STAG2: variants seen among roughly 807,000 people sequenced by gnomAD.
STAG2 encodes the protein STAG2 cohesin complex component.
STAG2 carries 14 observed loss-of-function variants against 108.1 expected under a neutral mutation model. That is an observed-to-expected ratio of 0.13 (90% CI 0.09 to 0.20). The LOEUF is 0.20. Ranked by LOEUF, STAG2 falls within the 10% of genes least tolerant of loss-of-function variation. The pLI is 1.00. For synonymous variants in STAG2, 307 were observed against 302.7 expected, an observed-to-expected ratio of 1.01 and a Z score of -0.15; for missense variants, 440 against 940.9, an observed-to-expected ratio of 0.47 and a Z score of 6.96.
intron 1 of STAG2, among the ~76,000 whole-genome samples, chrX:124,016,618 CAAT>C (rs1338121683): frequency 9.0e-6 from 1 of 111,311 alleles, no homozygotes; most frequent in African/African-American, 3.3e-5. Context: ...TTGGCCAGGT[CAAT>C]AATTTTTTCT....
chrX:124,100,543 G>A (rs768323312), intron 34 of STAG2, 31 bp from the exon 35 acceptor site: 2 of 1,163,105 alleles, frequency 1.7e-6, no homozygotes, highest in Admixed American at 2.2e-5. Flanking sequence ...GACTTTTAAC[G>A]AGATTTTCTC....
intron 33 of STAG2, among the ~76,000 whole-genome samples, chrX:124,095,077 G>A (rs1304529281): frequency 9.0e-6 from 1 of 110,804 alleles, no homozygotes; most frequent in East Asian, 2.8e-4. Context: ...GCAGGCGCCC[G>A]CAACCACGCC....
At chrX:123,970,246 A>G (rs1031725886) in intron 1 of STAG2, among the ~76,000 whole-genome samples, 2 of 109,957 alleles carry the variant, frequency 1.8e-5, no homozygotes, top group Non-Finnish European at 3.8e-5. Context: ...TTGTATTCCA[A>G]GAAAACCAAG....
At chrX:124,067,332 A>C (rs1264393394) in intron 23 of STAG2, among the ~76,000 whole-genome samples, 16 of 84,355 alleles carry the variant, frequency 1.9e-4, no homozygotes, top group Non-Finnish European at 2.1e-4. Context: ...GTAGTGGTAC[A>C]ATCTCGGCTC....
chrX:124,021,833 G>C (rs2056937394), intron 2 of STAG2, among the ~76,000 whole-genome samples: 1 of 110,572 alleles, frequency 9.0e-6, no homozygotes, highest in African/African-American at 3.3e-5. Flanking sequence ...CCTTTTAACT[G>C]TATGTGCATG....
At chrX:124,029,863 A>T (rs1189436999) in intron 4 of STAG2, among the ~76,000 whole-genome samples, 1 of 111,495 alleles carries the variant, frequency 9.0e-6, no homozygotes, top group Non-Finnish European at 1.9e-5. Context: ...GAGTTAGGGA[A>T]TGGCTTGTTT....
chrX:124,090,501 C>T (rs2059232196), intron 30 of STAG2, 74 bp from the exon 31 acceptor site: 5 of 862,494 alleles, frequency 5.8e-6, no homozygotes, highest in Middle Eastern at 2.8e-4. Context: ...TGTTTATTGA[C>T]CTGAACAGGT....
intron 4 of STAG2, among the ~76,000 whole-genome samples, chrX:124,029,688 T>A (rs2057273022): frequency 8.9e-6 from 1 of 112,318 alleles, no homozygotes; most frequent in Non-Finnish European, 1.9e-5. Flanking sequence ...GCCTAACATA[T>A]TTACTATCCA....
intron 1 of STAG2, among the ~76,000 whole-genome samples, chrX:123,972,488 G>C (rs1285797963): frequency 2.8e-5 from 3 of 108,567 alleles, no homozygotes; most frequent in Non-Finnish European, 5.7e-5. Context: ...AGCCAGGATG[G>C]TCTTGATCTC....
chrX:123,988,925 C>G (rs1253204950), intron 1 of STAG2, among the ~76,000 whole-genome samples: 1 of 111,303 alleles, frequency 9.0e-6, no homozygotes, highest in Non-Finnish European at 1.9e-5. Context: ...CTCTGTGTGT[C>G]TCTGTCTATC....
chrX:124,055,122 A>AT (rs1420858916), intron 13 of STAG2, among the ~76,000 whole-genome samples: 8 of 112,115 alleles, frequency 7.1e-5, no homozygotes, highest in South Asian at 3.7e-4. Context: ...GAACAATCTG[A>AT]TATTATATAA....
intron 16 of STAG2, 127 bp from the exon 17 acceptor site, chrX:124,061,644 T>G (rs2058379334): frequency 5.9e-6 from 3 of 512,091 alleles, no homozygotes; most frequent in Non-Finnish European, 9.1e-6. Context: ...GGGATTTTCT[T>G]TAGTACCTTA....
intron 13 of STAG2, among the ~76,000 whole-genome samples, chrX:124,054,784 T>C (rs2058146136): frequency 8.9e-6 from 1 of 111,996 alleles, no homozygotes; most frequent in South Asian, 3.7e-4. Flanking sequence ...TTTTGTTTTT[T>C]AGAGACAGGG....
chrX:124,081,234 C>T lies in STAG2; in HGVS notation c.2776-146C>T. 3 of 379,032 alleles carry T rather than the reference C, an allele frequency of 7.9e-6. No homozygotes were observed. In the South Asian group the frequency reaches 2.2e-4, roughly 28 times the overall value. 31.2% of individuals were successfully genotyped at this position (379,032 alleles called of 1,213,427 possible). ...ATATACGAAGTACTGCACTTTTGGTCATTTGCATCATGTTTTAGTGTTTTG... is the reference window on the plus strand; with the variant it reads ...ATATACGAAGTACTGCACTTTTGGTTATTTGCATCATGTTTTAGTGTTTTG... On this transcript the variant is annotated intron_variant, in intron 27 of 34. Coordinates refer to ENST00000371145, the MANE Select transcript of STAG2 (RefSeq NM_001042750.2).
intron 23 of STAG2, among the ~76,000 whole-genome samples, chrX:124,067,988 A>T (rs1384774995): frequency 2.7e-5 from 3 of 110,344 alleles, no homozygotes; most frequent in Non-Finnish European, 5.7e-5. Flanking sequence ...GTGAGCTGAG[A>T]TCATGTCACT....
At position 124,061,359 on chromosome X, in the gene STAG2, T is replaced by C. The variant is rs375072936; in HGVS notation, c.1534+18T>C. 2.7e-6 allele frequency: 3 copies of C among 1,113,714 alleles called. No individual in the cohort carries two copies. The highest frequency in any genetic ancestry group is 1.9e-5 in the South Asian group (1 of 53,100). The allele number at this position is 1,113,714 out of a possible 1,213,427, so 91.8% of individuals were successfully genotyped here. A position where few individuals can be genotyped will look rare whatever the true frequency, so the allele number is the denominator to read the frequency against. On this transcript the variant is annotated intron_variant, in intron 16 of 34. Coordinates refer to ENST00000371145, the MANE Select transcript of STAG2 (RefSeq NM_001042750.2). ...AGAGGAAGGTAAGGATGTTTAATTA[T>C]GATATTTTTGTTTAGACAGTTTTGT...
chrX:123,995,612 T>C (rs1459922679), intron 1 of STAG2, among the ~76,000 whole-genome samples: 2 of 110,187 alleles, frequency 1.8e-5, no homozygotes, highest in Non-Finnish European at 3.8e-5. Context: ...GAGAATGGCG[T>C]GAACCCGGGA....
intron 1 of STAG2, among the ~76,000 whole-genome samples, chrX:123,994,332 T>TG (rs1339207897): frequency 9.0e-6 from 1 of 111,664 alleles, no homozygotes; most frequent in African/African-American, 3.3e-5. Context: ...ATGAGGGATC[T>TG]GCCACCATGA....
intron 13 of STAG2, among the ~76,000 whole-genome samples, chrX:124,052,558 C>A (rs893839242): frequency 3.6e-5 from 4 of 111,622 alleles, no homozygotes; most frequent in Non-Finnish European, 7.5e-5. Flanking sequence ...TTTATTTATC[C>A]ATTTTTGCAT....
Sources: allele counts gnomAD v4.1 joint callset (sites outside exome capture counted in the v4.1 genomes callset), GRCh38; gene constraint gnomAD v4.1.1; transcripts MANE v1.5; gene names NCBI Gene and HGNC (gene_info 2026-07-23, HGNC 2026-07-21).